Variants in USP32 observed in about 807,000 individuals in gnomAD.
The protein encoded by USP32 is ubiquitin carboxyl-terminal hydrolase 32.
USP32 carries 59 observed loss-of-function variants against 204.8 expected under a neutral mutation model. The observed-to-expected ratio is 0.29, with a 90% CI of 0.23 to 0.36. The LOEUF is 0.36. USP32 is among the 10% of genes least tolerant of loss of function. The probability of loss-of-function intolerance (pLI) is 1.00; values close to 1 mark genes in which losing one functional copy is unlikely to be tolerated. For synonymous variants in USP32, 517 were observed against 678.4 expected, an observed-to-expected ratio of 0.76 and a Z score of 3.70; for missense variants, 1,160 against 1,946.4, an observed-to-expected ratio of 0.60 and a Z score of 7.60.
chr17:60,375,166 T>C (rs2089515704), intron 1 of USP32, among the ~76,000 whole-genome samples: 1 of 152,212 alleles, frequency 6.6e-6, no homozygotes, highest in South Asian at 2.1e-4. Flanking sequence ...TTTGTCTTTG[T>C]TTATGAAGCT....
At chr17:60,370,628 A>T in intron 1 of USP32, among the ~76,000 whole-genome samples, 1 of 152,032 alleles carries the variant, frequency 6.6e-6, no homozygotes, top group Admixed American at 6.6e-5. Flanking sequence ...TTAGCTGGGC[A>T]TGGTGGTGCC....
intron 1 of USP32, among the ~76,000 whole-genome samples, chr17:60,368,571 G>A (rs2089364703): frequency 6.6e-6 from 1 of 151,922 alleles, no homozygotes; most frequent in African/African-American, 2.4e-5. Context: ...TGAGGTCCTA[G>A]TGAAAAACCA....
intron 24 of USP32, chr17:60,207,844 C>T: frequency 1.4e-6 from 1 of 690,530 alleles, no homozygotes; most frequent in Non-Finnish European, 2.2e-6. Context: ...TTCCCTTCTT[C>T]AAAAATACCA....
intron 11 of USP32, among the ~76,000 whole-genome samples, chr17:60,238,487 G>C (rs1201700562): frequency 1.3e-5 from 2 of 151,836 alleles, no homozygotes; most frequent in Admixed American, 1.3e-4. Flanking sequence ...GGGCAACATG[G>C]CAAACCCTCA....
chr17:60,245,228 AT>A (rs61362181), intron 11 of USP32: 17,453 of 188,872 alleles, frequency 0.092, 1,698 homozygotes, highest in African/African-American at 0.28. Context: ...GGTGCTCTTT[AT>A]TTTTTTTTTT....
intron 2 of USP32, among the ~76,000 whole-genome samples, chr17:60,335,227 G>A (rs1049285852): frequency 2.1e-5 from 3 of 142,162 alleles, no homozygotes; most frequent in South Asian, 2.1e-4. Context: ...TTGAGATTCC[G>A]AAAAGTGGTG....
intron 1 of USP32, among the ~76,000 whole-genome samples, chr17:60,373,228 C>T (rs1432181878): frequency 6.6e-6 from 1 of 152,008 alleles, no homozygotes; most frequent in African/African-American, 2.4e-5. Context: ...AAAAAAGGTA[C>T]ACCTATATAG....
intron 26 of USP32, 79 bp downstream of exon 26, chr17:60,205,368 A>T (rs1370345726): frequency 3.9e-6 from 6 of 1,531,390 alleles, no homozygotes; most frequent in Non-Finnish European, 5.3e-6. Flanking sequence ...ACATTCAATG[A>T]TGTTGCAAAG....
At chr17:60,346,406 G>A (rs2088787143) in intron 1 of USP32, among the ~76,000 whole-genome samples, 1 of 152,092 alleles carries the variant, frequency 6.6e-6, no homozygotes, top group South Asian at 2.1e-4. Flanking sequence ...AATCTCCTTT[G>A]TGATAAAAAT....
intron 9 of USP32, among the ~76,000 whole-genome samples, chr17:60,263,175 T>C (rs575922847): frequency 2.0e-5 from 3 of 152,108 alleles, no homozygotes; most frequent in Non-Finnish European, 4.4e-5. Flanking sequence ...CGAGAGCTCC[T>C]GGGCTCAAGT....
At chr17:60,352,650 C>CGATGCAATAAACAAGACTGGGA (rs2088975451) in intron 1 of USP32, among the ~76,000 whole-genome samples, 1 of 152,080 alleles carries the variant, frequency 6.6e-6, no homozygotes, top group South Asian at 2.1e-4. Context: ...ACATTGGTGT[C>CGATGCAATAAACAAGACTGGGA]GATGCAATAA....
chr17:60,303,743 C>T (rs1232024656), intron 2 of USP32, among the ~76,000 whole-genome samples: 1 of 151,998 alleles, frequency 6.6e-6, no homozygotes, highest in African/African-American at 2.4e-5. Flanking sequence ...GAAGGAAAAA[C>T]CCAATATATT....
chr17:60,333,982 TGTTA>T (rs1567858109), intron 2 of USP32, among the ~76,000 whole-genome samples: 1 of 152,202 alleles, frequency 6.6e-6, no homozygotes, highest in African/African-American at 2.4e-5. Flanking sequence ...GGTCACATGG[TGTTA>T]TTCAAGGTTT....
chr17:60,411,366 G>A (rs1456994678), intron 1 of USP32, among the ~76,000 whole-genome samples: 3 of 128,284 alleles, frequency 2.3e-5, no homozygotes, highest in African/African-American at 1.1e-4. Context: ...TAAATAATTA[G>A]CCAGCCATGG....
At chr17:60,383,090 A>G (rs2089672827) in intron 1 of USP32, among the ~76,000 whole-genome samples, 1 of 152,102 alleles carries the variant, frequency 6.6e-6, no homozygotes, top group South Asian at 2.1e-4. Flanking sequence ...TATTAAAAAT[A>G]CAAAAATTAG....
chr17:60,314,191 A>G (rs948701106), intron 2 of USP32, among the ~76,000 whole-genome samples: 1 of 214 alleles, frequency 4.7e-3, no homozygotes, highest in African/African-American at 0.028. Context: ...CAGGCTGGAG[A>G]ATACAGTGGC....
chr17:60,286,958 G>A (rs543579993), intron 5 of USP32, among the ~76,000 whole-genome samples: 91 of 152,206 alleles, frequency 6.0e-4, no homozygotes, highest in African/African-American at 2.1e-3. Context: ...AACCAGCCTG[G>A]CCAACATGGT....
Position 60,214,603 on chromosome 17 carries a change from T to G in USP32, c.2022+17A>C. 1 of 1,611,688 alleles carries G rather than the reference T, an allele frequency of 6.2e-7. No homozygotes were observed. The highest frequency in any genetic ancestry group is 8.5e-7 in the Non-Finnish European group (1 of 1,178,438). ...TACCAACAATCAGACTCTCTATGACTCTGAGATGCCTCTTACCTCACTGTT... is the reference window on the plus strand; with the variant it reads ...TACCAACAATCAGACTCTCTATGACGCTGAGATGCCTCTTACCTCACTGTT... On this transcript the variant is annotated intron_variant, in intron 17 of 33. Transcript: ENST00000300896.
At chr17:60,184,556 T>C (rs973071068) in intron 30 of USP32, among the ~76,000 whole-genome samples, 2 of 151,866 alleles carry the variant, frequency 1.3e-5, no homozygotes, top group African/African-American at 4.8e-5. Flanking sequence ...CGCCTGTAAT[T>C]CCAGCACTTT....
Sources: allele counts gnomAD v4.1 joint callset (sites outside exome capture counted in the v4.1 genomes callset), GRCh38; gene constraint gnomAD v4.1.1; transcripts MANE v1.5; gene names NCBI Gene and HGNC (gene_info 2026-07-23, HGNC 2026-07-21).